RPS3: variants seen among roughly 807,000 people sequenced by gnomAD.
The protein encoded by RPS3 is small ribosomal subunit protein uS3.
RPS3 carries 2 observed loss-of-function variants against 25.8 expected under a neutral mutation model. The ratio of observed to expected loss-of-function variants is 0.08; its 90% CI spans 0.03 to 0.24. The LOEUF (loss-of-function observed/expected upper bound fraction) is 0.24. RPS3 is among the 10% of genes least tolerant of loss of function. The pLI is 1.00. For missense variants in RPS3, 107 were observed against 307.1 expected (o/e 0.35, Z 4.87); for synonymous variants, 114 against 114.2 (o/e 1.00, Z 0.01).
At chr11:75,403,758 GTTTTTTATTT>G in intron 4 of RPS3, 1 of 358,434 alleles carries the variant, frequency 2.8e-6, no homozygotes, top group Non-Finnish European at 5.0e-6. Context: ...GGTTTCTTTT[GTTTTTTATTT>G]TAGCCTTCTG....
rs1345824468 is a variant in RPS3 at position 75,400,805 on chromosome 11, A to G, written c.142A>G (p.Ile48Val). 1 of 1,612,282 alleles carries G rather than the reference A, an allele frequency of 6.2e-7. No homozygotes were observed. Among genetic ancestry groups the G allele is most frequent in the Non-Finnish European group, 8.5e-7 (1 of 1,179,554 alleles). The change falls in exon 2 of 7, where the codon ATC (isoleucine) becomes GTC (valine). Residue 48 changes from isoleucine (I) to valine (V), a missense_variant. Ile to Val is a conservative substitution (Grantham distance 29, BLOSUM62 3). Around this residue, in one of 2 missense-constraint regions of RPS3, gnomAD observed 81 missense variants for 286.8 expected, o/e 0.28. Coordinates refer to ENST00000531188, the MANE Select transcript of RPS3 (RefSeq NM_001005.5). ...EVRVTPTRTE[I>V]IILATRTQNV... ...GCGAGTTACACCAACCAGGACAGAA[A>G]TCATTATCTTAGCCACCAGGTAAAA...
chr11:75,410,465 T>C (rs1948342085), downstream of RPS3, among the ~76,000 whole-genome samples: 1 of 142,526 alleles, frequency 7.0e-6, no homozygotes, highest in South Asian at 2.2e-4. Context: ...GCTTCCTAGA[T>C]GGGATGGCGG....
downstream of RPS3, among the ~76,000 whole-genome samples, chr11:75,408,105 C>T (rs1005888718): frequency 6.6e-6 from 1 of 152,078 alleles, no homozygotes; most frequent in African/African-American, 2.4e-5. Context: ...AGAGTAACAG[C>T]TTAGGGAGGA....
chr11:75,405,140 AT>A, intron 6 of RPS3: 2 of 263,014 alleles, frequency 7.6e-6, no homozygotes, highest in Non-Finnish European at 1.4e-5. Flanking sequence ...TTTGCTCAAA[AT>A]TTTTGGCTCA....
At chr11:75,403,101 G>T in intron 4 of RPS3, 1 of 152,364 alleles carries the variant, frequency 6.6e-6, no homozygotes. Context: ...AGGAATGACA[G>T]GAAAGCTGTG....
rs1364893483 is a variant in RPS3, at chr11:75,405,781, G to GT, written c.*172dup. The GT allele has an allele frequency of 5.2e-6, 2 of 387,594 alleles. No homozygotes were observed. The highest frequency in any genetic ancestry group is 6.4e-5 in the Admixed American group (2 of 31,108). 24.0% of individuals were successfully genotyped at this position (387,594 alleles called of 1,614,324 possible). On this transcript the variant is annotated 3_prime_UTR_variant, in exon 7 of 7. Coordinates refer to ENST00000531188, the MANE Select transcript of RPS3 (RefSeq NM_001005.5). ...CTTCTTGGTTTTAACCATACTTGTG[G>GT]TATTTGCAAGGGCCAGAACAGTAAG...
At chr11:75,400,486 C>T (rs1401982745) in intron 1 of RPS3, 4 of 703,692 alleles carry the variant, frequency 5.7e-6, no homozygotes, top group South Asian at 2.7e-5. Flanking sequence ...GTTTAAAGAG[C>T]CCTGGTTGAA....
At chr11:75,419,346 G>A (rs938583760) in intron 6 of RPS3, among the ~76,000 whole-genome samples, 3 of 152,124 alleles carry the variant, frequency 2.0e-5, no homozygotes, top group Non-Finnish European at 2.9e-5. Flanking sequence ...CTGAGGTCAG[G>A]AGTTTGAGAC....
intron 6 of RPS3, among the ~76,000 whole-genome samples, chr11:75,418,041 A>T (rs770576527): frequency 5.3e-5 from 8 of 152,140 alleles, no homozygotes; most frequent in Non-Finnish European, 8.8e-5. Context: ...TACGGGCTCC[A>T]CCCCTCCAGG....
intron 6 of RPS3, among the ~76,000 whole-genome samples, chr11:75,416,809 G>T (rs1302267582): frequency 6.6e-6 from 1 of 152,184 alleles, no homozygotes; most frequent in Non-Finnish European, 1.5e-5. Context: ...TCAAAGTAGG[G>T]CCTGCCAGCA....
chr11:75,421,936 AGTGT>A (rs148600255), exon 7 of RPS3: 3 of 152,240 alleles, frequency 2.0e-5, no homozygotes, highest in Admixed American at 2.0e-4. Context: ...TAATATATAT[AGTGT>A]GTGTTTTTTA....
At chr11:75,413,892 A>T (rs547263615) in intron 6 of RPS3, among the ~76,000 whole-genome samples, 25 of 152,324 alleles carry the variant, frequency 1.6e-4, no homozygotes, top group African/African-American at 5.5e-4. Flanking sequence ...CTCAGAATCT[A>T]TGAGAAGCCT....
chr11:75,407,746 C>T (rs1043359166), downstream of RPS3, among the ~76,000 whole-genome samples: 4 of 152,208 alleles, frequency 2.6e-5, no homozygotes, highest in South Asian at 2.1e-4. Context: ...GGATTACAGG[C>T]GTGAGCCACC....
intron 3 of RPS3, 184 bp downstream of exon 3, chr11:75,401,917 AT>A: frequency 1.7e-6 from 1 of 584,150 alleles, no homozygotes. Flanking sequence ...TGGTTAAAGG[AT>A]TTTACATTCA....
At chr11:75,401,427 G>A (rs1445958165) in intron 2 of RPS3, among the ~76,000 whole-genome samples, 2 of 152,118 alleles carry the variant, frequency 1.3e-5, no homozygotes, top group Admixed American at 1.3e-4. Context: ...GAGCTCAAGA[G>A]GTTCAGGCTG....
downstream of RPS3, among the ~76,000 whole-genome samples, chr11:75,409,165 A>T (rs559323368): frequency 1.3e-4 from 20 of 150,040 alleles, no homozygotes; most frequent in East Asian, 3.9e-3. Context: ...TTTTTATTTT[A>T]TTTATTATTA....
intron 6 of RPS3, among the ~76,000 whole-genome samples, chr11:75,414,944 C>T (rs571999933): frequency 3.7e-4 from 57 of 152,292 alleles, no homozygotes; most frequent in Admixed American, 1.3e-3. Flanking sequence ...AAGCCCACAG[C>T]GTAATGTGAT....
chr11:75,415,393 C>T (rs1156925422), intron 6 of RPS3, among the ~76,000 whole-genome samples: 1 of 152,168 alleles, frequency 6.6e-6, no homozygotes, highest in Admixed American at 6.5e-5. Context: ...GTTAAGAGCC[C>T]AGCTCTGGCG....
At chr11:75,408,252 C>G (rs537340763), downstream of RPS3, among the ~76,000 whole-genome samples, 65 of 152,262 alleles carry the variant, frequency 4.3e-4, 1 homozygote, top group Admixed American at 7.2e-4. Flanking sequence ...CCTGGAATCC[C>G]AGCACTTCGG....
Sources: gnomAD v4.1 joint callset for allele counts (sites outside exome capture counted in the v4.1 genomes callset) on GRCh38, gnomAD v4.1.1 for gene constraint, gnomAD v4.1.1 regional missense constraint, MANE v1.5 for transcripts, NCBI Gene and HGNC (gene_info 2026-07-23, HGNC 2026-07-21) for gene names.